NCLN: variants seen among roughly 807,000 people sequenced by gnomAD.
NCLN encodes BOS complex subunit NCLN.
A neutral mutation model predicts 69.5 loss-of-function variants in NCLN; 34 were observed. The observed-to-expected ratio is 0.49, with a 90% CI of 0.37 to 0.65. NCLN has a LOEUF of 0.65. NCLN is among the 30% of genes least tolerant of loss of function. The pLI is 0.00. For synonymous variants in NCLN, 393 were observed against 358.3 expected (o/e 1.10, Z -1.09); for missense variants, 710 against 804.8 (o/e 0.88, Z 1.42).
At chr19:3,204,519 C>A in intron 8 of NCLN, 54 bp from the exon 9 acceptor site, 1 of 1,476,980 alleles carries the variant, frequency 6.8e-7, no homozygotes, top group Non-Finnish European at 9.0e-7. Context: ...GGGGAATGGG[C>A]TGGGGTGGCC....
Position 3,205,021 on chromosome 19 carries a change from G to A in NCLN, c.1208+270G>A, listed in dbSNP as rs1217019173. Among the ~76,000 whole-genome samples, 1 of 152,214 alleles carries A rather than the reference G, an allele frequency of 6.6e-6. No individual in the cohort carries two copies. The highest frequency in any genetic ancestry group is 1.5e-5 in the Non-Finnish European group (1 of 68,026). On this transcript the variant is annotated intron_variant, in intron 9 of 14. Transcript: ENST00000246117. The surrounding 1 kb of genome is among the most constrained non-coding windows in gnomAD (Gnocchi z 4.6). ...CCGTCACCTGTTGAGTTAGGAGCAAGCAGCTCCTGCCTCTGGGCCTCTTCA... is the reference window on the plus strand; with the variant it reads ...CCGTCACCTGTTGAGTTAGGAGCAAACAGCTCCTGCCTCTGGGCCTCTTCA...
chr19:3,205,367 C>T lies in NCLN; in HGVS notation c.1209-572C>T, dbSNP rs1037973212. On this transcript the variant is annotated intron_variant, in intron 9 of 14. Transcript: ENST00000246117. The surrounding 1 kb of genome is among the most constrained non-coding windows in gnomAD (Gnocchi z 4.6). ...CTTCCCGTTCATCCACTCTGCTCTGCGGTCACTGGGCCCTCAGGAGTGGTT... is the reference window on the plus strand; with the variant it reads ...CTTCCCGTTCATCCACTCTGCTCTGTGGTCACTGGGCCCTCAGGAGTGGTT... 3.3e-5 allele frequency among the ~76,000 whole-genome samples: 5 copies of T among 152,226 alleles called. No individual in the cohort carries two copies. Among genetic ancestry groups the T allele is most frequent in the Non-Finnish European group, 5.9e-5 (4 of 68,032 alleles).
At chr19:3,197,041 G>A (rs1915980081) in intron 4 of NCLN, among the ~76,000 whole-genome samples, 1 of 152,246 alleles carries the variant, frequency 6.6e-6, no homozygotes, top group Non-Finnish European at 1.5e-5. Context: ...TGGAGGCCCC[G>A]GCTCCCCATA....
At chr19:3,194,658 G>A (rs565785210) in intron 3 of NCLN, among the ~76,000 whole-genome samples, 1 of 152,200 alleles carries the variant, frequency 6.6e-6, no homozygotes, top group Admixed American at 6.5e-5. Flanking sequence ...TCTTGACAGT[G>A]GCCATTTTTG....
chr19:3,194,661 C>T (rs1482027071), intron 3 of NCLN, among the ~76,000 whole-genome samples: 1 of 151,984 alleles, frequency 6.6e-6, no homozygotes, highest in Non-Finnish European at 1.5e-5. Flanking sequence ...TGACAGTGGC[C>T]ATTTTTGTTG....
chr19:3,185,937 C>T lies in NCLN; in HGVS notation c.-94C>T, dbSNP rs1031841347. The T allele has an allele frequency of 5.2e-6, 5 of 969,504 alleles. No homozygotes were observed. Among genetic ancestry groups the T allele is most frequent in the Admixed American group, 4.6e-5 (1 of 21,632 alleles). 60.1% of individuals were successfully genotyped at this position (969,504 alleles called of 1,614,324 possible). ...GCCCCGCGCGGCGCCCGCAGGACCC[C>T]GGCGGCTACCCATGCCGAGGTGAGT... On this transcript the variant is annotated 5_prime_UTR_variant, in exon 1 of 15. Transcript: ENST00000246117.
intron 4 of NCLN, among the ~76,000 whole-genome samples, chr19:3,197,232 C>T (rs1915987260): frequency 6.6e-6 from 1 of 152,228 alleles, no homozygotes; most frequent in African/African-American, 2.4e-5. Flanking sequence ...CTCCGCATCC[C>T]ATGGGGCCAT....
Position 3,207,653 on chromosome 19 carries a change from G to A in NCLN, c.1657G>A (p.Val553Ile), listed in dbSNP as rs376816862. 3.8e-5 allele frequency: 61 copies of A among 1,612,790 alleles called. No homozygotes were observed. The Admixed American group carries it at 7.8e-4, about 21-fold the overall frequency. ...VQHFSLLYKT[V>I]QRLLVKAKTQ is the part of the protein sequence containing the mutation. ...GCACTTCAGCCTCCTCTACAAGACC[G>A]TCCAGAGGCTGCTCGTGAAGGCCAA... is the stretch of plus-strand genomic sequence containing the variant. The change falls in exon 15 of 15, where the codon GTC (valine) becomes ATC (isoleucine). Residue 553 changes from valine (V) to isoleucine (I), a missense_variant. Val to Ile is a conservative substitution (Grantham distance 29). Coordinates refer to ENST00000246117, the MANE Select transcript of NCLN (RefSeq NM_020170.4).
intron 2 of NCLN, 80 bp from the exon 3 acceptor site, chr19:3,193,204 C>G: frequency 7.2e-7 from 1 of 1,397,462 alleles, no homozygotes; most frequent in Admixed American, 1.9e-5. Flanking sequence ...CTACCCCCAC[C>G]AGGGACAGTC....
rs888893720 is a variant in NCLN at position 3,208,046 on chromosome 19, G to A, written c.*358G>A. On this transcript the variant is annotated 3_prime_UTR_variant, in exon 15 of 15. Coordinates refer to ENST00000246117, the MANE Select transcript of NCLN (RefSeq NM_020170.4). ...AGACGCCGGGACCCCCTGCCCGATC[G>A]CGCGCGGCCTCCGCCCACCGCCTCC... The A allele has an allele frequency of 7.5e-6, 2 of 265,644 alleles. No individual in the cohort carries two copies. Among genetic ancestry groups the A allele is most frequent in the Non-Finnish European group, 1.5e-5 (2 of 137,928 alleles). The allele number at this position is 265,644 out of a possible 1,614,324, so 16.5% of individuals were successfully genotyped here. A position where few individuals can be genotyped will look rare whatever the true frequency, so the allele number is the denominator to read the frequency against.
chr19:3,195,329 A>C (rs1174696536), intron 3 of NCLN, among the ~76,000 whole-genome samples: 1 of 151,674 alleles, frequency 6.6e-6, no homozygotes, highest in Admixed American at 6.6e-5. Context: ...GGCTCACTGC[A>C]AGCTCCACCT....
intron 1 of NCLN, among the ~76,000 whole-genome samples, chr19:3,186,443 C>G (rs369499259): frequency 6.6e-6 from 1 of 152,318 alleles, no homozygotes; most frequent in Admixed American, 6.5e-5. Flanking sequence ...GCCCCCGGCC[C>G]CTGCCTAGGT....
chr19:3,199,410 C>T (rs1916063415), intron 5 of NCLN, among the ~76,000 whole-genome samples: 2 of 152,372 alleles, frequency 1.3e-5, no homozygotes, highest in Admixed American at 1.3e-4. Context: ...TTCCAGAGAC[C>T]CAGCGCCCGG....
chr19:3,199,903 C>T lies in NCLN; in HGVS notation c.696+1006C>T, dbSNP rs1422108541. ...TTTTAGTAGAGACGGGGTTTCACCA[C>T]GTTAGCCAGGATGGTCTCGATCTCC... is the stretch of plus-strand genomic sequence containing the variant. On this transcript the variant is annotated intron_variant, in intron 5 of 14. Transcript: ENST00000246117. Among the ~76,000 whole-genome samples, 7 of 151,580 alleles carry T rather than the reference C, an allele frequency of 4.6e-5. 1 individual carries two copies. The South Asian group carries it at 6.3e-4, about 14-fold the overall frequency.
rs762944717 is a variant in NCLN at position 3,193,362 on chromosome 19, C to T, written c.454C>T (p.Leu152=). Residue 152 remains leucine, a synonymous_variant, in exon 3 of 15, where the codon CTG becomes TTG. Transcript: ENST00000246117. ...GTACTTTGCCGTGGAGGACGAGGCC[C>T]TGCTGTCTATCTACAAGCAGACCCA... The part of the protein sequence containing the change: ...PVYFAVEDEA[L]LSIYKQTQAA... 6.2e-7 allele frequency: 1 copy of T among 1,612,600 alleles called. No homozygotes were observed. The highest frequency in any genetic ancestry group is 1.1e-5 in the South Asian group (1 of 91,090).
At chr19:3,195,318 C>T (rs1159959378) in intron 3 of NCLN, among the ~76,000 whole-genome samples, 3 of 151,846 alleles carry the variant, frequency 2.0e-5, no homozygotes, top group East Asian at 2.0e-4. Flanking sequence ...GGCACAATCT[C>T]GGCTCACTGC....
Position 3,208,050 on chromosome 19 carries a change from G to T in NCLN, c.*362G>T, listed in dbSNP as rs1008671774. On this transcript the variant is annotated 3_prime_UTR_variant, in exon 15 of 15. Transcript: ENST00000246117. ...GCCGGGACCCCCTGCCCGATCGCGC[G>T]CGGCCTCCGCCCACCGCCTCCTGCC... 3.9e-6 allele frequency: 1 copy of T among 259,190 alleles called. No individual in the cohort carries two copies. Among genetic ancestry groups the T allele is most frequent in the Non-Finnish European group, 7.5e-6 (1 of 133,764 alleles). The allele number at this position is 259,190 out of a possible 1,614,324, so 16.1% of individuals were successfully genotyped here.
chr19:3,207,349 C>A, intron 13 of NCLN, 42 bp from the exon 14 acceptor site: 3 of 1,612,668 alleles, frequency 1.9e-6, no homozygotes, highest in Non-Finnish European at 2.5e-6. Flanking sequence ...ATGTTACTGC[C>A]GCGCACCATC....
chr19:3,192,090 C>T (rs1915840392), intron 1 of NCLN, among the ~76,000 whole-genome samples: 1 of 152,094 alleles, frequency 6.6e-6, no homozygotes, highest in Non-Finnish European at 1.5e-5. Flanking sequence ...CGGGAGGCTG[C>T]GGCAGGAGAA....
Sources: gnomAD v4.1 joint callset for allele counts (sites outside exome capture counted in the v4.1 genomes callset) on GRCh38, gnomAD v4.1.1 for gene constraint, Gnocchi (gnomAD v3.1) non-coding constraint, MANE v1.5 for transcripts, NCBI Gene and HGNC (gene_info 2026-07-23, HGNC 2026-07-21) for gene names.